Variants in GPC4 observed in about 807,000 individuals in gnomAD.
GPC4 encodes glypican-4.
GPC4 carries 10 observed loss-of-function variants against 35.0 expected under a neutral mutation model. The observed-to-expected ratio is 0.29, with a 90% CI of 0.18 to 0.48. GPC4 has a LOEUF of 0.48. GPC4 is among the 20% of genes least tolerant of loss of function. The pLI is 0.99. For synonymous variants in GPC4, 167 were observed against 170.2 expected, an observed-to-expected ratio of 0.98 and a Z score of 0.15; for missense variants, 322 against 451.3, an observed-to-expected ratio of 0.71 and a Z score of 2.60.
chrX:133,388,762 A>G (rs1490696481), intron 1 of GPC4, among the ~76,000 whole-genome samples: 1 of 109,831 alleles, frequency 9.1e-6, no homozygotes, highest in Non-Finnish European at 1.9e-5. Context: ...TCGGCCTCCC[A>G]AAGTGCTGGG....
intron 1 of GPC4, among the ~76,000 whole-genome samples, chrX:133,374,347 A>C (rs1253629682): frequency 8.9e-6 from 1 of 111,763 alleles, no homozygotes; most frequent in African/African-American, 3.3e-5. Flanking sequence ...AATTAAAGGA[A>C]TAGGAAGGGA....
chrX:133,303,473 T>C, intron 7 of GPC4, 132 bp from the exon 8 acceptor site: 2 of 491,969 alleles, frequency 4.1e-6, no homozygotes, highest in Non-Finnish European at 6.5e-6. Context: ...ATACTTCTGC[T>C]AGATTCTAGT....
At chrX:133,414,051 A>C (rs1452942021) in intron 1 of GPC4, among the ~76,000 whole-genome samples, 1 of 111,278 alleles carries the variant, frequency 9.0e-6, no homozygotes, top group East Asian at 2.8e-4. Flanking sequence ...AGTGCAATTA[A>C]CCCTTAAAAT....
At position 133,310,792 on chromosome X, in the gene GPC4, G is replaced by T. The variant is rs930177110; in HGVS notation, c.877+466C>A. ...TACTCCAGCATTTACATGGATACAA[G>T]CCTATAATCATAAACACAACTGACT... On this transcript the variant is annotated intron_variant, in intron 4 of 8. Coordinates refer to ENST00000370828, the MANE Select transcript of GPC4 (RefSeq NM_001448.3). 2.7e-5 allele frequency among the ~76,000 whole-genome samples: 3 copies of T among 111,954 alleles called. No individual in the cohort carries two copies. In the Admixed American group the frequency reaches 2.8e-4, roughly 11 times the overall value.
At chrX:133,406,532 G>A (rs1028822522) in intron 1 of GPC4, among the ~76,000 whole-genome samples, 14 of 108,770 alleles carry the variant, frequency 1.3e-4, no homozygotes, top group Non-Finnish European at 2.5e-4. Context: ...GGCGGATCAC[G>A]AGGTCAGGAG....
At chrX:133,327,636 AGTGTGTGT>A (rs557359106) in intron 2 of GPC4, among the ~76,000 whole-genome samples, 14,646 of 82,891 alleles carry the variant, frequency 0.18, 1,075 homozygotes, top group Admixed American at 0.3. Flanking sequence ...TGTCCAGGAA[AGTGTGTGT>A]GTGTGTGTGT....
At chrX:133,309,603 G>C (rs747842504) in intron 4 of GPC4, among the ~76,000 whole-genome samples, 1 of 112,755 alleles carries the variant, frequency 8.9e-6, no homozygotes, top group Non-Finnish European at 1.9e-5. Flanking sequence ...AGCAGAATTC[G>C]ATCACTGTCA....
chrX:133,327,065 T>C (rs1177444669), intron 2 of GPC4, among the ~76,000 whole-genome samples: 1 of 112,815 alleles, frequency 8.9e-6, no homozygotes, highest in African/African-American at 3.2e-5. Flanking sequence ...TATGCAAGCC[T>C]TGTGTGTCAA....
chrX:133,392,682 A>C (rs2068725065), intron 1 of GPC4, among the ~76,000 whole-genome samples: 1 of 103,630 alleles, frequency 9.6e-6, no homozygotes, highest in Admixed American at 1.0e-4. Flanking sequence ...AAAAAAAAAA[A>C]GGAGAGCATA....
At chrX:133,326,940 A>G (rs1020786589) in intron 2 of GPC4, among the ~76,000 whole-genome samples, 17 of 112,565 alleles carry the variant, frequency 1.5e-4, no homozygotes, top group South Asian at 7.3e-4. Flanking sequence ...CCAAGTGGTG[A>G]TTGCTCATGG....
chrX:133,349,189 C>T (rs2068506150), intron 1 of GPC4, among the ~76,000 whole-genome samples: 1 of 111,975 alleles, frequency 8.9e-6, no homozygotes, highest in African/African-American at 3.3e-5. Flanking sequence ...GGCTAGCCGC[C>T]AGCACTTTGC....
intron 1 of GPC4, among the ~76,000 whole-genome samples, chrX:133,358,414 A>C (rs1055574636): frequency 8.9e-6 from 1 of 112,479 alleles, no homozygotes; most frequent in Non-Finnish European, 1.9e-5. Context: ...ATCTGACTTT[A>C]CAAAAATATT....
intron 2 of GPC4, among the ~76,000 whole-genome samples, chrX:133,333,107 C>T (rs1348163379): frequency 8.9e-6 from 1 of 112,325 alleles, no homozygotes; most frequent in South Asian, 3.7e-4. Flanking sequence ...GGAATTCTCT[C>T]AATCAATCGG....
chrX:133,343,569 G>C (rs1044576587), intron 1 of GPC4, among the ~76,000 whole-genome samples: 2 of 111,743 alleles, frequency 1.8e-5, no homozygotes, highest in Non-Finnish European at 3.8e-5. Context: ...GTTGCTTTTT[G>C]TACATGGCCC....
At chrX:133,320,624 CAAAA>C (rs11329655) in intron 3 of GPC4, among the ~76,000 whole-genome samples, 2 of 37,744 alleles carry the variant, frequency 5.3e-5, no homozygotes, top group East Asian at 1.6e-3. Flanking sequence ...AACTCTGTCT[CAAAA>C]AAAAAAAAAA....
At chrX:133,382,700 G>C (rs922798354) in intron 1 of GPC4, among the ~76,000 whole-genome samples, 2 of 112,545 alleles carry the variant, frequency 1.8e-5, no homozygotes, top group East Asian at 2.8e-4. Flanking sequence ...CTGCACTCCA[G>C]CCTGGGCGAC....
chrX:133,393,754 C>T (rs1342098302), intron 1 of GPC4, among the ~76,000 whole-genome samples: 1 of 111,418 alleles, frequency 9.0e-6, no homozygotes, highest in Non-Finnish European at 1.9e-5. Flanking sequence ...TTGCTGTATT[C>T]GAATATAAAA....
chrX:133,325,777 T>C (rs928416189), intron 2 of GPC4, among the ~76,000 whole-genome samples: 14 of 112,126 alleles, frequency 1.2e-4, no homozygotes, highest in Admixed American at 1.2e-3. Flanking sequence ...ACCATTCTCT[T>C]CTCACATTGG....
At chrX:133,387,745 G>A (rs1428078072) in intron 1 of GPC4, among the ~76,000 whole-genome samples, 9 of 111,523 alleles carry the variant, frequency 8.1e-5, no homozygotes, top group Admixed American at 1.9e-4. Context: ...ATCATACTTC[G>A]AAATGTTTGT....
Sources: gnomAD v4.1 joint callset for allele counts (sites outside exome capture counted in the v4.1 genomes callset) on GRCh38, gnomAD v4.1.1 for gene constraint, MANE v1.5 for transcripts, NCBI Gene and HGNC (gene_info 2026-07-23, HGNC 2026-07-21) for gene names.